The following AK5 variants were observed in gnomAD, a reference collection of about 807,000 sequenced individuals.
AK5 encodes the protein adenylate kinase isoenzyme 5.
AK5 carries 27 observed loss-of-function variants against 69.5 expected under a neutral mutation model. That is an observed-to-expected ratio of 0.39 (90% confidence interval 0.29 to 0.54). The LOEUF (loss-of-function observed/expected upper bound fraction) is 0.54. Ranked by LOEUF, AK5 falls within the 20% of genes least tolerant of loss-of-function variation. The pLI is 0.71. For missense variants in AK5, 531 were observed against 700.4 expected, an observed-to-expected ratio of 0.76 and a Z score of 2.73; for synonymous variants, 260 against 244.4, an observed-to-expected ratio of 1.06 and a Z score of -0.60.
At chr1:77,475,861 T>C (rs1654907877) in intron 8 of AK5, among the ~76,000 whole-genome samples, 1 of 152,116 alleles carries the variant, frequency 6.6e-6, no homozygotes. Context: ...GTGCTACATT[T>C]GGCATCTGAA....
At chr1:77,448,230 C>T (rs1048870117) in intron 8 of AK5, among the ~76,000 whole-genome samples, 1 of 152,210 alleles carries the variant, frequency 6.6e-6, no homozygotes, top group African/African-American at 2.4e-5. Flanking sequence ...TGCCAGTTCA[C>T]AGACTGGAGT....
chr1:77,297,888 G>A lies in AK5; in HGVS notation c.640G>A (p.Gly214Ser). 6.2e-7 allele frequency: 1 copy of A among 1,613,416 alleles called. No individual in the cohort carries two copies. Among genetic ancestry groups the A allele is most frequent in the Non-Finnish European group, 8.5e-7 (1 of 1,179,768 alleles). ...QKLMQIPDEE[G>S]IVIDGFPRDV... ...ATTGATGCAAATACCTGATGAAGAG[G>A]GCATTGTTATTGATGGATTTCCAAG... The change falls in exon 5 of 14, where the codon GGC becomes AGC. Residue 214 changes from glycine to serine, a missense_variant. Physicochemically the swap from Gly to Ser is moderately conservative, Grantham distance 56 (BLOSUM62 0). Coordinates refer to ENST00000354567, the MANE Select transcript of AK5 (RefSeq NM_174858.3).
chr1:77,436,481 T>G (rs946254796), intron 8 of AK5, among the ~76,000 whole-genome samples: 1 of 151,810 alleles, frequency 6.6e-6, no homozygotes, highest in African/African-American at 2.4e-5. Flanking sequence ...CCTCATAATT[T>G]TAATGTGTAT....
Position 77,282,089 on chromosome 1 carries a change from G to T in AK5, c.-225G>T, listed in dbSNP as rs1056920187. 7 of 409,412 alleles carry T rather than the reference G, an allele frequency of 1.7e-5. No individual in the cohort carries two copies. The highest frequency in any genetic ancestry group is 1.5e-4 in the African/African-American group (7 of 47,984). The allele number at this position is 409,412 out of a possible 1,614,324, so 25.4% of individuals were successfully genotyped here. ...TCGGCGCCTGCAGCTCCGGCTCGGG[G>T]GCTGGAACCGAAGCGGGGGCGGCGG... On this transcript the variant is annotated 5_prime_UTR_variant, in exon 1 of 14. Transcript: ENST00000354567.
At chr1:77,314,096 T>G (rs1299090702) in intron 5 of AK5, 2 of 341,576 alleles carry the variant, frequency 5.9e-6, no homozygotes, top group Admixed American at 4.1e-5. Context: ...AACCCATATA[T>G]GTTAATATAT....
chr1:77,523,835 T>C (rs1658130280), intron 12 of AK5, among the ~76,000 whole-genome samples: 1 of 151,938 alleles, frequency 6.6e-6, no homozygotes, highest in African/African-American at 2.4e-5. Flanking sequence ...AGCTAAACTT[T>C]TTGATTTTTT....
intron 6 of AK5, among the ~76,000 whole-genome samples, chr1:77,384,976 G>T (rs1487150540): frequency 6.6e-6 from 1 of 152,048 alleles, no homozygotes; most frequent in Admixed American, 6.6e-5. Context: ...ACTAGATGTA[G>T]AACAGTAAGT....
chr1:77,463,541 G>A (rs989867490), intron 8 of AK5, among the ~76,000 whole-genome samples: 1 of 147,576 alleles, frequency 6.8e-6, no homozygotes, highest in Non-Finnish European at 1.5e-5. Flanking sequence ...GATTCTTTAG[G>A]TTGTAAGACA....
At chr1:77,514,784 A>G (rs938187210) in intron 10 of AK5, among the ~76,000 whole-genome samples, 3 of 152,252 alleles carry the variant, frequency 2.0e-5, no homozygotes, top group Non-Finnish European at 2.9e-5. Context: ...AAACTGTAAT[A>G]GTCATATTAG....
intron 6 of AK5, among the ~76,000 whole-genome samples, chr1:77,379,636 G>C (rs1647485266): frequency 6.6e-6 from 1 of 152,110 alleles, no homozygotes; most frequent in Admixed American, 6.5e-5. Context: ...TAACATCTTA[G>C]GTAGGAATTT....
intron 13 of AK5, chr1:77,557,221 T>A (rs1660150087): frequency 6.5e-6 from 1 of 154,112 alleles, no homozygotes; most frequent in Non-Finnish European, 1.4e-5. Context: ...CTGTTTTATT[T>A]ATTATTATTT....
At chr1:77,293,586 A>C (rs1658808176) in intron 2 of AK5, 1 of 428,456 alleles carries the variant, frequency 2.3e-6, no homozygotes, top group African/African-American at 2.1e-5. Context: ...GGCCAAGTTG[A>C]ATAGAAACTG....
chr1:77,308,861 C>G (rs1158646616), intron 5 of AK5, among the ~76,000 whole-genome samples: 1 of 151,220 alleles, frequency 6.6e-6, no homozygotes, highest in Non-Finnish European at 1.5e-5. Flanking sequence ...CCCAGCTACT[C>G]GGAAGGCTGA....
Position 77,315,265 on chromosome 1 carries a change from C to T in AK5, c.699+17318C>T, listed in dbSNP as rs116441433. Among the ~76,000 whole-genome samples, 1,160 of 152,118 alleles carry T rather than the reference C, an allele frequency of 7.6e-3. 20 individuals are homozygous for T. Among genetic ancestry groups the T allele is most frequent in the African/African-American group, 0.027 (1,105 of 41,436 alleles). ...GGATGTGTATAGATTCTTGCTCTCA[C>T]ATTTTTGTTTTTTTCACTTAACACA... On this transcript the variant is annotated intron_variant, in intron 5 of 13. Transcript: ENST00000354567.
At chr1:77,382,172 A>G (rs1268704749) in intron 6 of AK5, among the ~76,000 whole-genome samples, 3 of 152,080 alleles carry the variant, frequency 2.0e-5, no homozygotes, top group Non-Finnish European at 4.4e-5. Flanking sequence ...GTTTTCCCAT[A>G]AAAGAACCCA....
At chr1:77,467,136 T>A (rs985352119) in intron 8 of AK5, among the ~76,000 whole-genome samples, 5 of 152,238 alleles carry the variant, frequency 3.3e-5, no homozygotes, top group African/African-American at 1.2e-4. Context: ...ATTGCCTCTT[T>A]TATTCATTCC....
intron 7 of AK5, among the ~76,000 whole-genome samples, chr1:77,411,282 C>A (rs760859069): frequency 2.5e-4 from 38 of 152,128 alleles, no homozygotes; most frequent in Non-Finnish European, 4.0e-4. Context: ...TTCTTCCAGT[C>A]ATTGCACATG....
chr1:77,317,207 T>C (rs1373310719), intron 5 of AK5, among the ~76,000 whole-genome samples: 1 of 152,156 alleles, frequency 6.6e-6, no homozygotes, highest in Non-Finnish European at 1.5e-5. Context: ...TCCTCAGGCA[T>C]CTCTTCTCAT....
intron 6 of AK5, among the ~76,000 whole-genome samples, chr1:77,343,270 G>T (rs1053318888): frequency 6.6e-6 from 1 of 152,104 alleles, no homozygotes; most frequent in African/African-American, 2.4e-5. Context: ...AAGTTCTTAA[G>T]GGCCACAGAG....
Sources: allele counts gnomAD v4.1 joint callset (sites outside exome capture counted in the v4.1 genomes callset), GRCh38; gene constraint gnomAD v4.1.1; transcripts MANE v1.5; gene names NCBI Gene and HGNC (gene_info 2026-07-23, HGNC 2026-07-21).